The following PTTG1IP2 variants were observed in gnomAD, a reference collection of about 807,000 sequenced individuals.
The protein encoded by PTTG1IP2 is PTTG1IP family member 2.
chr7:90,511,897 T>TA (rs1798194675), intron 6 of PTTG1IP2, among the ~76,000 whole-genome samples: 1 of 152,224 alleles, frequency 6.6e-6, no homozygotes, highest in African/African-American at 2.4e-5. Flanking sequence ...AACATATTGC[T>TA]ACAGATCACT....
At chr7:90,512,325 G>A (rs17869239) in intron 6 of PTTG1IP2, among the ~76,000 whole-genome samples, 321 of 152,260 alleles carry the variant, frequency 2.1e-3, no homozygotes, top group African/African-American at 7.4e-3. Flanking sequence ...AGAAAAGAAG[G>A]GAGTAAAATT....
chr7:90,493,645 C>A (rs1797963000), intron 5 of PTTG1IP2, among the ~76,000 whole-genome samples: 1 of 152,166 alleles, frequency 6.6e-6, no homozygotes, highest in Admixed American at 6.5e-5. Context: ...ATTCACAAGG[C>A]AGGATGATTT....
chr7:90,493,131 A>G (rs139296751), intron 5 of PTTG1IP2, among the ~76,000 whole-genome samples: 1,880 of 152,312 alleles, frequency 0.012, 21 homozygotes, highest in Non-Finnish European at 0.019. Context: ...ATTACTATTA[A>G]TAAATAACTT....
intron 6 of PTTG1IP2, among the ~76,000 whole-genome samples, chr7:90,502,281 G>A (rs963509741): frequency 2.0e-5 from 3 of 152,200 alleles, no homozygotes; most frequent in African/African-American, 7.2e-5. Context: ...CCAAGTAGCT[G>A]GGATTATAGG....
Position 90,491,486 on chromosome 7 carries a change from G to T in PTTG1IP2, c.381-753G>T, listed in dbSNP as rs532706726. On this transcript the variant is annotated intron_variant, in intron 4 of 6. Transcript: ENST00000509356. ...AAAAATACAAAACTTAGCTGGGCGT[G>T]GTGGCACGCACCTATGGTTCCAGCT... 2.6e-5 allele frequency among the ~76,000 whole-genome samples: 4 copies of T among 152,196 alleles called. No homozygotes were observed. In the East Asian group the frequency reaches 7.8e-4, roughly 30 times the overall value.
chr7:90,510,258 G>C (rs1335098458), intron 6 of PTTG1IP2, among the ~76,000 whole-genome samples: 1 of 152,046 alleles, frequency 6.6e-6, no homozygotes, highest in Non-Finnish European at 1.5e-5. Context: ...TCAGTGCCTA[G>C]TTTATCACAC....
chr7:90,497,715 T>TAAAAAA (rs1261744146), intron 6 of PTTG1IP2, among the ~76,000 whole-genome samples: 5 of 56,334 alleles, frequency 8.9e-5, no homozygotes, highest in Non-Finnish European at 9.6e-5. Context: ...AGACCCTGTA[T>TAAAAAA]AAAAAAAAAA....
chr7:90,495,464 G>A (rs1797982197), intron 6 of PTTG1IP2, among the ~76,000 whole-genome samples: 2 of 152,214 alleles, frequency 1.3e-5, no homozygotes, highest in Admixed American at 6.5e-5. Context: ...GGCTTTGTGT[G>A]TGTATGTGTG....
At chr7:90,501,943 T>C (rs1798066002) in intron 6 of PTTG1IP2, among the ~76,000 whole-genome samples, 1 of 152,246 alleles carries the variant, frequency 6.6e-6, no homozygotes, top group Non-Finnish European at 1.5e-5. Flanking sequence ...ATCAATTCTC[T>C]CACACCATGA....
At chr7:90,498,625 T>G (rs1798025029) in intron 6 of PTTG1IP2, among the ~76,000 whole-genome samples, 1 of 152,242 alleles carries the variant, frequency 6.6e-6, no homozygotes, top group African/African-American at 2.4e-5. Flanking sequence ...TGTGAAAGCC[T>G]TTTTTACACC....
At chr7:90,478,096 C>CAAA (rs370035849) in intron 1 of PTTG1IP2, among the ~76,000 whole-genome samples, 27 of 67,944 alleles carry the variant, frequency 4.0e-4, no homozygotes, top group South Asian at 1.0e-3. Flanking sequence ...GACTCCGTCT[C>CAAA]AAAAAAAAAA....
At chr7:90,497,563 CAAAAAA>C (rs758753541) in intron 6 of PTTG1IP2, among the ~76,000 whole-genome samples, 1 of 44,374 alleles carries the variant, frequency 2.3e-5, no homozygotes, top group African/African-American at 8.0e-5. Context: ...GAATCCGTCT[CAAAAAA>C]AAAAAAAAAA....
At chr7:90,511,911 T>C (rs914775807) in intron 6 of PTTG1IP2, among the ~76,000 whole-genome samples, 1 of 152,214 alleles carries the variant, frequency 6.6e-6, no homozygotes, top group South Asian at 2.1e-4. Context: ...GATCACTGTG[T>C]TCCTTCCACT....
intron 6 of PTTG1IP2, among the ~76,000 whole-genome samples, chr7:90,504,326 A>G (rs1292112402): frequency 6.6e-6 from 1 of 152,110 alleles, no homozygotes; most frequent in Non-Finnish European, 1.5e-5. Context: ...AAGAGAAAAA[A>G]AAAAAGCACA....
chr7:90,497,489 G>A (rs1798007655), intron 6 of PTTG1IP2, among the ~76,000 whole-genome samples: 1 of 150,578 alleles, frequency 6.6e-6, no homozygotes, highest in Admixed American at 6.6e-5. Context: ...GCGTGAACCC[G>A]GGAGGCGGAG....
chr7:90,506,966 G>C (rs1478603440), intron 6 of PTTG1IP2, among the ~76,000 whole-genome samples: 2 of 152,022 alleles, frequency 1.3e-5, no homozygotes, highest in Non-Finnish European at 2.9e-5. Context: ...TTAATGGTCT[G>C]GTGAAATTAA....
intron 6 of PTTG1IP2, among the ~76,000 whole-genome samples, chr7:90,505,900 C>A (rs1169321697): frequency 1.4e-5 from 2 of 142,480 alleles, no homozygotes; most frequent in African/African-American, 2.6e-5. Context: ...AGGAGAATGG[C>A]TTGAACCCGG....
chr7:90,478,345 G>A (rs973843093), intron 1 of PTTG1IP2, among the ~76,000 whole-genome samples: 1 of 152,152 alleles, frequency 6.6e-6, no homozygotes, highest in Admixed American at 6.5e-5. Flanking sequence ...TCACATAGCT[G>A]AGGCAGCAGA....
intron 1 of PTTG1IP2, among the ~76,000 whole-genome samples, chr7:90,473,384 G>C (rs1284729118): frequency 6.6e-6 from 1 of 152,162 alleles, no homozygotes; most frequent in African/African-American, 2.4e-5. Context: ...ACACAGTGAG[G>C]CTAGCAAGGA....
Sources: allele counts gnomAD v4.1 joint callset (sites outside exome capture counted in the v4.1 genomes callset), GRCh38; gene constraint gnomAD v4.1.1; transcripts MANE v1.5; gene names NCBI Gene and HGNC (gene_info 2026-07-23, HGNC 2026-07-21).